LRRC75A: variants seen among roughly 807,000 people sequenced by gnomAD.
The protein encoded by LRRC75A is leucine-rich repeat-containing protein 75A.
A neutral mutation model predicts 26.0 loss-of-function variants in LRRC75A; 12 were observed. The ratio of observed to expected loss-of-function variants is 0.46; its 90% confidence interval spans 0.30 to 0.75. The LOEUF (loss-of-function observed/expected upper bound fraction) is 0.75. Ranked by LOEUF, LRRC75A falls within the 30% of genes least tolerant of loss-of-function variation. LRRC75A has a pLI of 0.08. For synonymous variants in LRRC75A, 223 were observed against 219.3 expected, an observed-to-expected ratio of 1.02 and a Z score of -0.15; for missense variants, 410 against 486.6, an observed-to-expected ratio of 0.84 and a Z score of 1.48.
At chr17:16,474,732 C>T (rs1455592363) in intron 1 of LRRC75A, among the ~76,000 whole-genome samples, 5 of 152,010 alleles carry the variant, frequency 3.3e-5, no homozygotes, top group South Asian at 2.1e-4. Flanking sequence ...CGGTGGCTCA[C>T]GCCTGTAATC....
chr17:16,473,761 G>A (rs369744506), intron 1 of LRRC75A, among the ~76,000 whole-genome samples: 6 of 152,170 alleles, frequency 3.9e-5, no homozygotes, highest in African/African-American at 1.4e-4. Flanking sequence ...CCAAGGCCAC[G>A]TGGCCCCTGC....
chr17:16,453,448 G>A (rs1657337300), intron 2 of LRRC75A, among the ~76,000 whole-genome samples: 2 of 152,140 alleles, frequency 1.3e-5, no homozygotes, highest in Non-Finnish European at 2.9e-5. Flanking sequence ...GGATGGAAGT[G>A]TATCTGCCAC....
chr17:16,469,895 C>G (rs987240196), intron 1 of LRRC75A, among the ~76,000 whole-genome samples: 9 of 152,142 alleles, frequency 5.9e-5, no homozygotes, highest in African/African-American at 2.2e-4. Flanking sequence ...CCTTTTACCT[C>G]CAAATTGTCA....
chr17:16,443,978 C>G lies in LRRC75A; in HGVS notation c.645G>C (p.Thr215=). ...GCAGCAGCTGCAGGACCATGTCGTC[C>G]GTGAGGCCTGTGAAGCCCAGCTCCA... The part of the protein sequence containing the change: ...DSVELGFTGL[T]DDMVLQLLPA... Residue 215 remains threonine (T), a synonymous_variant, in exon 4 of 4, where the codon ACG becomes ACC. Coordinates refer to ENST00000470794, the MANE Select transcript of LRRC75A (RefSeq NM_001113567.3). The G allele has an allele frequency of 6.2e-7, 1 of 1,613,734 alleles. No individual in the cohort carries two copies. Among genetic ancestry groups the G allele is most frequent in the Non-Finnish European group, 8.5e-7 (1 of 1,180,026 alleles).
intron 3 of LRRC75A, among the ~76,000 whole-genome samples, chr17:16,446,707 G>T (rs548958422): frequency 6.6e-6 from 1 of 152,220 alleles, no homozygotes; most frequent in South Asian, 2.1e-4. Context: ...GGGGAACCAG[G>T]AGAGGCCCTT....
intron 1 of LRRC75A, among the ~76,000 whole-genome samples, chr17:16,488,449 T>A (rs1375715560): frequency 6.6e-6 from 1 of 152,182 alleles, no homozygotes; most frequent in Non-Finnish European, 1.5e-5. Context: ...CCAAAGTGAG[T>A]AAGGCAGATT....
intron 1 of LRRC75A, among the ~76,000 whole-genome samples, chr17:16,472,800 T>G (rs564788200): frequency 1.4e-4 from 22 of 152,322 alleles, no homozygotes; most frequent in Non-Finnish European, 2.2e-4. Context: ...TTGAAATGTT[T>G]CAGAGAACTA....
chr17:16,446,260 A>T (rs2093584608), intron 3 of LRRC75A, among the ~76,000 whole-genome samples: 2 of 152,216 alleles, frequency 1.3e-5, no homozygotes, highest in Admixed American at 1.3e-4. Flanking sequence ...GCCAGGCAGT[A>T]TCCTAGACAC....
intron 2 of LRRC75A, among the ~76,000 whole-genome samples, chr17:16,448,678 G>T (rs981991913): frequency 6.6e-6 from 1 of 152,194 alleles, no homozygotes; most frequent in Admixed American, 6.5e-5. Flanking sequence ...AAGGTAAAAT[G>T]AGGTCAGAGG....
chr17:16,454,013 C>A (rs1423103390), intron 2 of LRRC75A, among the ~76,000 whole-genome samples: 1 of 152,138 alleles, frequency 6.6e-6, no homozygotes, highest in East Asian at 1.9e-4. Flanking sequence ...TCCTGGGTCC[C>A]CTCGGCCTAT....
chr17:16,444,902 A>C (rs1026280680), intron 3 of LRRC75A, among the ~76,000 whole-genome samples: 1 of 144,732 alleles, frequency 6.9e-6, no homozygotes, highest in African/African-American at 2.6e-5. Context: ...AGGCTGGAGT[A>C]CAATGGCACG....
At chr17:16,453,953 A>G (rs995303046) in intron 2 of LRRC75A, among the ~76,000 whole-genome samples, 3 of 152,204 alleles carry the variant, frequency 2.0e-5, no homozygotes, top group African/African-American at 7.2e-5. Context: ...CCAGAGGGGT[A>G]GGAAGGAACA....
intron 2 of LRRC75A, among the ~76,000 whole-genome samples, chr17:16,461,690 G>A (rs549579423): frequency 6.6e-6 from 1 of 152,364 alleles, no homozygotes; most frequent in African/African-American, 2.4e-5. Context: ...GGGGACTGAG[G>A]CAAAGCGGAC....
intron 1 of LRRC75A, among the ~76,000 whole-genome samples, chr17:16,480,812 G>A (rs1217438061): frequency 3.3e-5 from 5 of 152,160 alleles, no homozygotes; most frequent in African/African-American, 1.2e-4. Context: ...TGCCTGTGAC[G>A]AGGGAAGTCA....
chr17:16,484,963 T>TAAA (rs56383905), intron 1 of LRRC75A, among the ~76,000 whole-genome samples: 1,267 of 123,926 alleles, frequency 0.01, 23 homozygotes, highest in African/African-American at 0.034. Flanking sequence ...TAATAAAAGT[T>TAAA]AAAAAAAAAA....
chr17:16,455,444 T>C (rs1372890700), intron 2 of LRRC75A, among the ~76,000 whole-genome samples: 1 of 151,668 alleles, frequency 6.6e-6, no homozygotes. Flanking sequence ...AGTGGCGCAA[T>C]CTCAGCTCAA....
Position 16,443,615 on chromosome 17 carries a change from C to CT in LRRC75A, c.1007dup (p.Glu337GlyfsTer13). The CT allele has an allele frequency of 6.5e-7, 1 of 1,541,286 alleles. No homozygotes were observed. The highest frequency in any genetic ancestry group is 2.0e-5 in the Admixed American group (1 of 50,688). ...ACGTCTGAGCTGCAGCTACAGTCTC[C>CT]TTGCCCTCATGGTGGTCTTCGGCAG... On this transcript the variant is annotated frameshift_variant, in exon 4 of 4. Transcript: ENST00000470794. LOFTEE classifies it high-confidence loss of function.
chr17:16,470,100 C>A (rs1311694218), intron 1 of LRRC75A, among the ~76,000 whole-genome samples: 2 of 152,122 alleles, frequency 1.3e-5, no homozygotes, highest in Non-Finnish European at 2.9e-5. Flanking sequence ...GTCTTTGTTT[C>A]CAGTGTGCTG....
rs371248757 is a variant in LRRC75A at position 16,443,475 on chromosome 17, A to G, written c.*113T>C. ...TTGCCTTTCTGTAGGTGGGTGGCCCAGGCCAATTTTTGGCAATATCCTTAA... is the reference window on the plus strand; with the variant it reads ...TTGCCTTTCTGTAGGTGGGTGGCCCGGGCCAATTTTTGGCAATATCCTTAA... On this transcript the variant is annotated 3_prime_UTR_variant, in exon 4 of 4. Coordinates refer to ENST00000470794, the MANE Select transcript of LRRC75A (RefSeq NM_001113567.3). 11 of 1,037,864 alleles carry G rather than the reference A, an allele frequency of 1.1e-5. No homozygotes were observed. In the East Asian group the frequency reaches 1.3e-4, roughly 13 times the overall value. The allele number at this position is 1,037,864 out of a possible 1,614,324, so 64.3% of individuals were successfully genotyped here.
Sources: allele counts gnomAD v4.1 joint callset (sites outside exome capture counted in the v4.1 genomes callset), GRCh38; gene constraint gnomAD v4.1.1; transcripts MANE v1.5; gene names NCBI Gene and HGNC (gene_info 2026-07-23, HGNC 2026-07-21).